Variants in STON2 observed in about 807,000 individuals in gnomAD.
STON2 encodes the protein stonin-2.
In STON2, 29 loss-of-function variants were observed where a neutral mutation model predicts 65.7. The observed-to-expected ratio is 0.44, with a 90% confidence interval of 0.33 to 0.60. STON2 has a LOEUF of 0.60. Ranked by LOEUF, STON2 falls within the 20% of genes least tolerant of loss-of-function variation. The pLI is 0.03. For synonymous variants in STON2, 404 were observed against 414.2 expected, an observed-to-expected ratio of 0.98 and a Z score of 0.30; for missense variants, 1,054 against 1,118.1, an observed-to-expected ratio of 0.94 and a Z score of 0.82.
chr14:81,331,231 C>T (rs1225406878), intron 4 of STON2, among the ~76,000 whole-genome samples: 1 of 152,232 alleles, frequency 6.6e-6, no homozygotes, highest in Non-Finnish European at 1.5e-5. Flanking sequence ...TTACGACTGC[C>T]ACAGATGCTT....
At position 81,424,921 on chromosome 14, in the gene STON2, C is replaced by G. The variant is rs918832722; in HGVS notation, c.-199+2181G>C. 1.4e-4 allele frequency among the ~76,000 whole-genome samples: 22 copies of G among 152,198 alleles called. 1 individual carries two copies. The highest frequency in any genetic ancestry group is 5.9e-4 in the Admixed American group (9 of 15,278). On this transcript the variant is annotated intron_variant, in intron 2 of 8. Coordinates refer to the STON2 transcript ENST00000553821. Reference sequence around the variant, plus strand: ...CACATCACCCTCTCCCATTTAGAGACAGTTTCTCAAAAACCACAGTAGGGA... The same window carrying G: ...CACATCACCCTCTCCCATTTAGAGAGAGTTTCTCAAAAACCACAGTAGGGA...
At chr14:81,425,268 G>A (rs1391992105) in intron 2 of STON2, among the ~76,000 whole-genome samples, 3 of 152,140 alleles carry the variant, frequency 2.0e-5, no homozygotes, top group Non-Finnish European at 1.5e-5. Flanking sequence ...TGTAAAACTT[G>A]GATTTAAAAT....
chr14:81,319,230 T>C (rs892701031), intron 5 of STON2, among the ~76,000 whole-genome samples: 1 of 152,222 alleles, frequency 6.6e-6, no homozygotes, highest in African/African-American at 2.4e-5. Context: ...CTGGTACATA[T>C]GCCATAGTAA....
Position 81,420,886 on chromosome 14 carries a change from G to A in STON2, c.-199+6216C>T, listed in dbSNP as rs559113991. Among the ~76,000 whole-genome samples, 108 of 152,126 alleles carry A rather than the reference G, an allele frequency of 7.1e-4. No homozygotes were observed. In the South Asian group the frequency reaches 9.3e-3, roughly 13 times the overall value. Reference sequence around the variant, plus strand: ...TGTATGCAACCTCCCTGATTCCTACGTCCACCCCCAAACCTGCCCCTCCCT... The same window carrying A: ...TGTATGCAACCTCCCTGATTCCTACATCCACCCCCAAACCTGCCCCTCCCT... On this transcript the variant is annotated intron_variant, in intron 2 of 8. Transcript: ENST00000553821.
upstream of STON2, among the ~76,000 whole-genome samples, chr14:81,404,906 C>G (rs575140454): frequency 6.6e-6 from 1 of 152,302 alleles, no homozygotes; most frequent in African/African-American, 2.4e-5. Context: ...GAGAATTTTT[C>G]CTTCAGTATT....
intron 5 of STON2, among the ~76,000 whole-genome samples, chr14:81,308,812 A>G (rs1566901211): frequency 2.1e-4 from 2 of 9,748 alleles, no homozygotes; most frequent in African/African-American, 8.6e-4. Flanking sequence ...ATATATATAT[A>G]TATATATATA....
At chr14:81,344,289 C>T (rs1897730608) in intron 4 of STON2, among the ~76,000 whole-genome samples, 1 of 152,002 alleles carries the variant, frequency 6.6e-6, no homozygotes, top group African/African-American at 2.4e-5. Context: ...GAAATAAATG[C>T]AGTAAGGAAT....
chr14:81,390,947 T>C (rs1159477766), intron 3 of STON2, among the ~76,000 whole-genome samples: 1 of 152,214 alleles, frequency 6.6e-6, no homozygotes, highest in Non-Finnish European at 1.5e-5. Context: ...ATCACTAAAA[T>C]CTTTAAGATC....
In STON2 at chr14:81,268,378, G is replaced by C; in HGVS notation, c.*36C>G. On this transcript the variant is annotated 3_prime_UTR_variant, in exon 8 of 8. Coordinates refer to ENST00000614646, the MANE Select transcript of STON2 (RefSeq NM_001394390.1). ...ATGACTCAGGAAGACACCCTATCAT[G>C]ACTCTGGGATCAGGATTCCTTGCCG... 7.8e-7 allele frequency: 1 copy of C among 1,288,866 alleles called. No homozygotes were observed. Among genetic ancestry groups the C allele is most frequent in the Non-Finnish European group, 1.0e-6 (1 of 988,534 alleles). 79.8% of individuals were successfully genotyped at this position (1,288,866 alleles called of 1,614,324 possible).
chr14:81,280,067 T>C (rs549692126), intron 5 of STON2, among the ~76,000 whole-genome samples: 1 of 152,346 alleles, frequency 6.6e-6, no homozygotes, highest in Non-Finnish European at 1.5e-5. Context: ...AGGCAGTATA[T>C]CAGGAGAAAA....
At chr14:81,271,023 G>A (rs1214352189) in intron 6 of STON2, 151 bp from the exon 7 acceptor site, 19 of 1,030,264 alleles carry the variant, frequency 1.8e-5, no homozygotes, top group African/African-American at 1.1e-4. Flanking sequence ...GGATCCGCCC[G>A]GCTCAGCAGA....
intron 5 of STON2, among the ~76,000 whole-genome samples, chr14:81,298,973 A>G (rs1487158879): frequency 1.3e-5 from 2 of 152,244 alleles, no homozygotes; most frequent in Admixed American, 6.5e-5. Flanking sequence ...AACGACATAA[A>G]AAGTACCCAA....
intron 5 of STON2, among the ~76,000 whole-genome samples, chr14:81,295,682 C>T (rs570342167): frequency 1.3e-5 from 2 of 152,170 alleles, no homozygotes; most frequent in Non-Finnish European, 2.9e-5. Context: ...CCAATGAAAA[C>T]GACTCAAGAT....
intron 5 of STON2, among the ~76,000 whole-genome samples, chr14:81,281,644 A>T (rs1168757824): frequency 6.6e-6 from 1 of 152,198 alleles, no homozygotes; most frequent in East Asian, 1.9e-4. Context: ...TCCTCAAAAC[A>T]GCCCTTCTCA....
At chr14:81,301,602 G>C (rs1227053589) in intron 5 of STON2, among the ~76,000 whole-genome samples, 1 of 152,194 alleles carries the variant, frequency 6.6e-6, no homozygotes, top group African/African-American at 2.4e-5. Context: ...TACTAGCAGA[G>C]AGAATGTCTG....
rs1254622474 is a variant in STON2, at chr14:81,413,092, T to C, written c.-199+14010A>G. The C allele has an allele frequency of 6.2e-6, 7 of 1,120,856 alleles. 1 individual carries two copies. Among genetic ancestry groups the C allele is most frequent in the Middle Eastern group, 2.8e-4 (1 of 3,540 alleles). The allele number at this position is 1,120,856 out of a possible 1,614,324, so 69.4% of individuals were successfully genotyped here. ...ACAAAGAGAGGAACACTGTGGCTCA[T>C]ATCAAGAAGGAATGTGACAAGAAGT... On this transcript the variant is annotated intron_variant, in intron 2 of 8. Coordinates refer to the STON2 transcript ENST00000553821.
chr14:81,347,648 C>G (rs1897864048), intron 4 of STON2, among the ~76,000 whole-genome samples: 1 of 143,242 alleles, frequency 7.0e-6, no homozygotes, highest in East Asian at 2.1e-4. Context: ...CCCTACAGGC[C>G]AGTATCCCTG....
intron 3 of STON2, among the ~76,000 whole-genome samples, chr14:81,377,857 T>G (rs552285131): frequency 6.6e-6 from 1 of 152,200 alleles, no homozygotes; most frequent in Admixed American, 6.5e-5. Context: ...TTTTGTTTTT[T>G]TTTTTGGAAG....
At chr14:81,393,549 T>C (rs554586411) in intron 3 of STON2, among the ~76,000 whole-genome samples, 119 of 152,328 alleles carry the variant, frequency 7.8e-4, no homozygotes, top group South Asian at 3.3e-3. Context: ...CTTGGTTGAA[T>C]TCCCAAAGCC....
Sources: allele counts gnomAD v4.1 joint callset (sites outside exome capture counted in the v4.1 genomes callset), GRCh38; gene constraint gnomAD v4.1.1; transcripts MANE v1.5; gene names NCBI Gene and HGNC (gene_info 2026-07-23, HGNC 2026-07-21).